TSPAN15: variants seen among roughly 807,000 people sequenced by gnomAD.
TSPAN15 encodes tetraspanin-15.
TSPAN15 carries 20 observed loss-of-function variants against 34.5 expected under a neutral mutation model. The observed-to-expected ratio is 0.58, with a 90% CI of 0.41 to 0.84. TSPAN15 has a LOEUF of 0.84. Among genes scored for constraint, TSPAN15 ranks in the 40% least tolerant of loss-of-function variants. The pLI is 0.00. For missense variants in TSPAN15, 313 were observed against 386.1 expected (o/e 0.81, Z 1.59); for synonymous variants, 155 against 153.9 (o/e 1.01, Z -0.05).
At chr10:69,482,965 A>AT (rs201958040) in intron 1 of TSPAN15, among the ~76,000 whole-genome samples, 22 of 151,124 alleles carry the variant, frequency 1.5e-4, no homozygotes, top group East Asian at 5.9e-4. Flanking sequence ...GGCAGGGTTG[A>AT]TTTTTTTTTT....
chr10:69,478,181 A>G, intron 1 of TSPAN15, among the ~76,000 whole-genome samples: 1 of 145,486 alleles, frequency 6.9e-6, no homozygotes, highest in East Asian at 1.9e-4. Flanking sequence ...CAGTGTGCAG[A>G]GCAGGTGGCT....
chr10:69,523,429 C>T, the TSPAN15 span: 6 of 571,208 alleles, frequency 1.1e-5, no homozygotes, highest in South Asian at 9.8e-5. Context: ...TAAGGTCATT[C>T]CAGAGGCTAG....
the TSPAN15 span, among the ~76,000 whole-genome samples, chr10:69,539,533 A>G: frequency 0.018 from 865 of 47,544 alleles, 59 homozygotes; most frequent in African/African-American, 0.026. Context: ...GAAGAAGAAG[A>G]AGAAGGAGAA....
the TSPAN15 span, among the ~76,000 whole-genome samples, chr10:69,530,321 G>A: frequency 2.7e-5 from 4 of 147,740 alleles, no homozygotes; most frequent in Admixed American, 1.4e-4. Context: ...AAGAACTGTT[G>A]AGTCCTTATC....
the TSPAN15 span, among the ~76,000 whole-genome samples, chr10:69,531,173 A>C: frequency 6.8e-6 from 1 of 147,426 alleles, no homozygotes; most frequent in Non-Finnish European, 1.5e-5. Context: ...CTATATTTTT[A>C]ACACTATGTA....
rs1353617730 is a variant in TSPAN15, at chr10:69,498,409, C to T, written c.570+13C>T. 2 of 1,607,876 alleles carry T rather than the reference C, an allele frequency of 1.2e-6. No individual in the cohort carries two copies. Among genetic ancestry groups the T allele is most frequent in the South Asian group, 2.2e-5 (2 of 90,920 alleles). The stretch of plus-strand genomic sequence containing the variant: ...CATCAGGAACACGGTAGACACTGCT[C>T]CTGTGGGGACTGGGGGGCTGTCGGG... On this transcript the variant is annotated intron_variant, in intron 5 of 7. Transcript: ENST00000373290.
At chr10:69,492,127 G>T (rs1288260193) in intron 3 of TSPAN15, among the ~76,000 whole-genome samples, 1 of 152,202 alleles carries the variant, frequency 6.6e-6, no homozygotes, top group Non-Finnish European at 1.5e-5. Flanking sequence ...CACTGGAGCT[G>T]CCCCTGCTGG....
the TSPAN15 span, among the ~76,000 whole-genome samples, chr10:69,545,211 G>A: frequency 7.9e-5 from 12 of 152,204 alleles, no homozygotes; most frequent in African/African-American, 2.9e-4. Context: ...GGCCAAGTGG[G>A]AAGGCTGAGG....
chr10:69,548,013 G>C, the TSPAN15 span, among the ~76,000 whole-genome samples: 2 of 152,210 alleles, frequency 1.3e-5, no homozygotes, highest in Non-Finnish European at 2.9e-5. Flanking sequence ...AGGGGATGAA[G>C]AGCTCTGAAG....
At chr10:69,523,083 GT>G in the TSPAN15 span, among the ~76,000 whole-genome samples, 2 of 147,760 alleles carry the variant, frequency 1.4e-5, no homozygotes, top group Non-Finnish European at 3.0e-5. Flanking sequence ...TCCATTTTGA[GT>G]TTTGTGTATA....
chr10:69,455,628 C>CGCCCCCCG (rs1554830581), intron 1 of TSPAN15, among the ~76,000 whole-genome samples: 1 of 114,500 alleles, frequency 8.7e-6, no homozygotes, highest in Admixed American at 8.6e-5. Context: ...CTCTCTCTCC[C>CGCCCCCCG]CCCCCCGTCT....
chr10:69,455,865 G>C (rs1169726605), intron 1 of TSPAN15, among the ~76,000 whole-genome samples: 2 of 151,916 alleles, frequency 1.3e-5, no homozygotes, highest in Admixed American at 1.3e-4. Context: ...TGAGCCCCCA[G>C]GTCAACCAGC....
At chr10:69,477,644 T>C (rs535857964) in intron 1 of TSPAN15, among the ~76,000 whole-genome samples, 66 of 152,280 alleles carry the variant, frequency 4.3e-4, no homozygotes, top group African/African-American at 1.5e-3. Context: ...CCACACTAGG[T>C]GTTGGCATCA....
At chr10:69,453,367 C>G (rs1189339323) in intron 1 of TSPAN15, among the ~76,000 whole-genome samples, 1 of 152,166 alleles carries the variant, frequency 6.6e-6, no homozygotes, top group Non-Finnish European at 1.5e-5. Context: ...TTGAAAACTG[C>G]TGCCCTAGAT....
chr10:69,491,923 A>G (rs1367319537), intron 3 of TSPAN15, among the ~76,000 whole-genome samples: 1 of 152,156 alleles, frequency 6.6e-6, no homozygotes, highest in African/African-American at 2.4e-5. Flanking sequence ...CACCCCCTTC[A>G]GTTCCTCATT....
At chr10:69,490,009 G>C (rs981319693) in intron 3 of TSPAN15, among the ~76,000 whole-genome samples, 2 of 152,190 alleles carry the variant, frequency 1.3e-5, no homozygotes, top group Non-Finnish European at 2.9e-5. Context: ...AGCTGAGCTT[G>C]GACACCTGGA....
chr10:69,527,977 C>T, the TSPAN15 span, among the ~76,000 whole-genome samples: 1 of 148,120 alleles, frequency 6.8e-6, no homozygotes, highest in African/African-American at 2.5e-5. Flanking sequence ...TTTGGGGTGT[C>T]ACTCTTCTGG....
chr10:69,479,426 G>A (rs1378222193), intron 1 of TSPAN15, among the ~76,000 whole-genome samples: 1 of 152,266 alleles, frequency 6.6e-6, no homozygotes, highest in Non-Finnish European at 1.5e-5. Flanking sequence ...TGTTGAAGAT[G>A]CCACGTGGTT....
chr10:69,539,434 AGAAG>A, the TSPAN15 span, among the ~76,000 whole-genome samples: 2 of 135,248 alleles, frequency 1.5e-5, no homozygotes, highest in African/African-American at 3.0e-5. Context: ...AGAAAGAAGA[AGAAG>A]AAGGAAGAAG....
Sources: allele counts gnomAD v4.1 joint callset (sites outside exome capture counted in the v4.1 genomes callset), GRCh38; gene constraint gnomAD v4.1.1; transcripts MANE v1.5; gene names NCBI Gene and HGNC (gene_info 2026-07-23, HGNC 2026-07-21).